Variants in CLEC12A observed in about 807,000 individuals in gnomAD.
CLEC12A encodes C-type lectin domain family 12 member A, also known as C-type lectin protein CLL-1.
A neutral mutation model predicts 26.5 loss-of-function variants in CLEC12A; 22 were observed. The ratio of observed to expected loss-of-function variants is 0.83; its 90% confidence interval spans 0.59 to 1.19. The LOEUF is 1.19. Among genes scored for constraint, CLEC12A ranks in the 50% most tolerant of loss-of-function variants. The probability of loss-of-function intolerance (pLI) is 0.00; values close to 1 mark genes in which losing one functional copy is unlikely to be tolerated. For missense variants in CLEC12A, 353 were observed against 315.6 expected (o/e 1.12, Z -0.90); for synonymous variants, 119 against 101.9 (o/e 1.17, Z -1.01).
chr12:9,970,105 A>G (rs1368432258), upstream of CLEC12A, among the ~76,000 whole-genome samples: 1 of 152,216 alleles, frequency 6.6e-6, no homozygotes, highest in Non-Finnish European at 1.5e-5. Context: ...TTTCTTTATC[A>G]GGAGAAAATC....
chr12:9,990,296 G>GA (rs1280905841), downstream of CLEC12A, among the ~76,000 whole-genome samples: 1 of 152,146 alleles, frequency 6.6e-6, no homozygotes, highest in African/African-American at 2.4e-5. Flanking sequence ...AAACCACCTG[G>GA]AGACAACTTA....
At chr12:9,997,294 T>C (rs1272005426), downstream of CLEC12A, 1 of 1,594,194 alleles carries the variant, frequency 6.3e-7, no homozygotes, top group East Asian at 2.2e-5. Flanking sequence ...GTTTAAAAAG[T>C]AAATAATAAT....
At chr12:9,987,328 G>C (rs1357762114), downstream of CLEC12A, among the ~76,000 whole-genome samples, 2 of 152,162 alleles carry the variant, frequency 1.3e-5, no homozygotes, top group East Asian at 3.9e-4. Flanking sequence ...TATTAGCATA[G>C]GGGTGGCTTC....
At chr12:9,967,475 T>C (rs556360123), upstream of CLEC12A, among the ~76,000 whole-genome samples, 2 of 152,186 alleles carry the variant, frequency 1.3e-5, no homozygotes, top group Admixed American at 1.3e-4. Context: ...AGGTTTTAGG[T>C]CAGCTGTGAA....
downstream of CLEC12A, among the ~76,000 whole-genome samples, chr12:9,989,191 C>T (rs768257247): frequency 6.4e-4 from 88 of 137,374 alleles, 1 homozygote; most frequent in Admixed American, 2.2e-3. Flanking sequence ...GGAAGGGGAA[C>T]ATCACACACC....
chr12:9,997,279 G>C (rs764508871), downstream of CLEC12A: 15 of 1,607,930 alleles, frequency 9.3e-6, no homozygotes, highest in Non-Finnish European at 1.3e-5. Flanking sequence ...CTGCATGACA[G>C]CTAGGTTTAA....
At position 9,979,948 on chromosome 12, in the gene CLEC12A, G is replaced by C. The variant is rs528567324; in HGVS notation, c.379+424G>C. The stretch of plus-strand genomic sequence containing the variant: ...GAGACTTCACCTTTGGGATCGGGGA[G>C]TTGGTCTTTTAGTGTCTCCATAAGT... On this transcript the variant is annotated intron_variant, in intron 3 of 5. Coordinates refer to ENST00000304361, the MANE Select transcript of CLEC12A (RefSeq NM_138337.6). Among the ~76,000 whole-genome samples the C allele has an allele frequency of 6.6e-4, 100 of 152,158 alleles. 1 individual carries two copies. Among genetic ancestry groups the C allele is most frequent in the Admixed American group, 4.6e-4 (7 of 15,266 alleles).
At chr12:9,951,383 G>A in intron 1 of CLEC12A, 2 of 702,946 alleles carry the variant, frequency 2.8e-6, no homozygotes, top group Non-Finnish European at 5.2e-6. Flanking sequence ...GATACCGACA[G>A]TGGGAATGGC....
At chr12:9,958,584 A>G (rs1363255468) in intron 1 of CLEC12A, among the ~76,000 whole-genome samples, 1 of 152,188 alleles carries the variant, frequency 6.6e-6, no homozygotes, top group African/African-American at 2.4e-5. Flanking sequence ...AAAGGTAAAA[A>G]AGCCAGTGGC....
At chr12:9,952,607 A>G (rs926293528) in intron 1 of CLEC12A, 2 of 169,872 alleles carry the variant, frequency 1.2e-5, no homozygotes, top group Non-Finnish European at 2.4e-5. Context: ...CCCGTCTGGG[A>G]AGTGAGGAGT....
chr12:9,971,355 A>G, upstream of CLEC12A: 2 of 1,046,572 alleles, frequency 1.9e-6, no homozygotes, highest in Non-Finnish European at 2.4e-6. Context: ...AGGAAGAAAG[A>G]TGTTATCTGT....
In CLEC12A at chr12:9,982,447, G is replaced by A. The variant is rs79648121; in HGVS notation, c.641+318G>A. 1.2e-4 allele frequency among the ~76,000 whole-genome samples: 19 copies of A among 152,116 alleles called. No individual in the cohort carries two copies. In the East Asian group the frequency reaches 3.7e-3, roughly 29 times the overall value. On this transcript the variant is annotated intron_variant, in intron 5 of 5. Coordinates refer to ENST00000304361, the MANE Select transcript of CLEC12A (RefSeq NM_138337.6). ...GTACTTAATATTGTGATAAGTTCTAGGGTTCAAAGATGAATGAAATATTGA... is the reference window on the plus strand; with the variant it reads ...GTACTTAATATTGTGATAAGTTCTAAGGTTCAAAGATGAATGAAATATTGA...
At chr12:9,965,526 G>T (rs574943775) in intron 1 of CLEC12A, among the ~76,000 whole-genome samples, 2 of 151,336 alleles carry the variant, frequency 1.3e-5, no homozygotes, top group African/African-American at 2.4e-5. Context: ...GGGATGACGG[G>T]TGCAAAGGAA....
upstream of CLEC12A, among the ~76,000 whole-genome samples, chr12:9,969,712 C>G (rs1372942725): frequency 6.6e-6 from 1 of 152,172 alleles, no homozygotes. Flanking sequence ...TCCATCCTTT[C>G]ACAAACAAAG....
chr12:9,972,849 T>C (rs544606584), intron 1 of CLEC12A, among the ~76,000 whole-genome samples: 1 of 152,272 alleles, frequency 6.6e-6, no homozygotes, highest in East Asian at 1.9e-4. Flanking sequence ...TTTATTTCCT[T>C]GTTTATATTT....
chr12:9,979,079 T>C lies in CLEC12A; in HGVS notation c.190+15T>C. 1.3e-6 allele frequency: 2 copies of C among 1,592,970 alleles called. No individual in the cohort carries two copies. The highest frequency in any genetic ancestry group is 1.7e-6 in the Non-Finnish European group (2 of 1,161,192). Reference sequence around the variant, plus strand: ...GGCAAGCATGTGTATGTACTGCCCCTGTTTTTGTCAAGAGGAAGTATCTAG... The same window carrying C: ...GGCAAGCATGTGTATGTACTGCCCCCGTTTTTGTCAAGAGGAAGTATCTAG... On this transcript the variant is annotated intron_variant, in intron 2 of 5. Transcript: ENST00000304361.
downstream of CLEC12A, chr12:9,997,265 T>G (rs764333177): frequency 6.2e-7 from 1 of 1,611,826 alleles, no homozygotes; most frequent in South Asian, 1.1e-5. Context: ...TGTAGGTAAT[T>G]GCGCTGCATG....
chr12:9,978,497 C>A (rs1429674566), intron 1 of CLEC12A, among the ~76,000 whole-genome samples: 1 of 150,884 alleles, frequency 6.6e-6, no homozygotes, highest in African/African-American at 2.4e-5. Flanking sequence ...CAGCTAAATT[C>A]TCATAATTGC....
At position 9,978,947 on chromosome 12, in the gene CLEC12A, T is replaced by C. The variant is rs1393229368; in HGVS notation, c.92-19T>C. 6.3e-7 allele frequency: 1 copy of C among 1,585,158 alleles called. No homozygotes were observed. The highest frequency in any genetic ancestry group is 1.7e-5 in the Admixed American group (1 of 59,808). ...GTTATACCATTTTTAGGCCTCTCTG[T>C]TAATTTTGCTTTCCACAGCACCTCC... On this transcript the variant is annotated intron_variant, in intron 1 of 5. Transcript: ENST00000304361.
Sources: allele counts gnomAD v4.1 joint callset (sites outside exome capture counted in the v4.1 genomes callset), GRCh38; gene constraint gnomAD v4.1.1; transcripts MANE v1.5; gene names NCBI Gene and HGNC (gene_info 2026-07-23, HGNC 2026-07-21).